The following RIMS2 variants were observed in gnomAD, a reference collection of about 807,000 sequenced individuals.
The protein encoded by RIMS2 is regulating synaptic membrane exocytosis 2.
RIMS2 carries 59 observed loss-of-function variants against 174.4 expected under a neutral mutation model. The observed-to-expected ratio is 0.34, with a 90% CI of 0.27 to 0.42. The LOEUF is 0.42. Among genes scored for constraint, RIMS2 ranks in the 10% least tolerant of loss-of-function variants. RIMS2 has a pLI of 1.00. For synonymous variants in RIMS2, 606 were observed against 572.5 expected (o/e 1.06, Z -0.84); for missense variants, 1,620 against 1,666.3 (o/e 0.97, Z 0.48).
chr8:103,601,523 T>A (rs779027590), intron 1 of RIMS2, among the ~76,000 whole-genome samples: 35 of 152,186 alleles, frequency 2.3e-4, no homozygotes, highest in Non-Finnish European at 4.1e-4. Flanking sequence ...ATGGAATATC[T>A]TTTTTCATCC....
chr8:103,915,419 G>A lies in RIMS2; in HGVS notation c.1813-76G>A, dbSNP rs138575376. 1.4e-3 allele frequency: 1,008 copies of A among 746,372 alleles called. 11 individuals are homozygous for A. In the East Asian group the frequency reaches 0.023, roughly 17 times the overall value. The allele number at this position is 746,372 out of a possible 1,614,324, so 46.2% of individuals were successfully genotyped here. A position where few individuals can be genotyped will look rare whatever the true frequency, so the allele number is the denominator to read the frequency against. ...TTTTAGGTGTTGCAAATTGTTCTAGGTATTCTTTTACCTGAATCTTCAACC... is the reference window on the plus strand; with the variant it reads ...TTTTAGGTGTTGCAAATTGTTCTAGATATTCTTTTACCTGAATCTTCAACC... On this transcript the variant is annotated intron_variant, in intron 6 of 23. Coordinates refer to ENST00000504942, the Ensembl canonical transcript of RIMS2.
chr8:103,956,598 A>G (rs571534051), intron 14 of RIMS2, among the ~76,000 whole-genome samples: 7 of 152,318 alleles, frequency 4.6e-5, no homozygotes, highest in African/African-American at 1.7e-4. Flanking sequence ...ACAAAAATTA[A>G]CTCAAGATGG....
chr8:103,941,285 CA>C (rs1173942767), intron 13 of RIMS2, among the ~76,000 whole-genome samples: 1 of 151,868 alleles, frequency 6.6e-6, no homozygotes, highest in Non-Finnish European at 1.5e-5. Context: ...AGTCCAAGAC[CA>C]GCCTGGGTAA....
chr8:103,652,992 A>G (rs1417336915), intron 1 of RIMS2, among the ~76,000 whole-genome samples: 1 of 152,200 alleles, frequency 6.6e-6, no homozygotes, highest in Non-Finnish European at 1.5e-5. Context: ...ACAATGCAAT[A>G]TATAACTAGA....
At chr8:104,162,736 T>A (rs926861613) in intron 19 of RIMS2, among the ~76,000 whole-genome samples, 3 of 152,188 alleles carry the variant, frequency 2.0e-5, no homozygotes, top group African/African-American at 7.2e-5. Flanking sequence ...AGGTTAGTAA[T>A]CAGTAAAGTC....
intron 11 of RIMS2, among the ~76,000 whole-genome samples, chr8:103,928,304 G>C (rs2079182984): frequency 6.6e-6 from 1 of 151,402 alleles, no homozygotes; most frequent in Non-Finnish European, 1.5e-5. Flanking sequence ...CATTTTCCAA[G>C]TTATAACTCC....
chr8:104,066,736 G>GAGGAATTTGA (rs1415546794), intron 19 of RIMS2, among the ~76,000 whole-genome samples: 2 of 152,028 alleles, frequency 1.3e-5, no homozygotes. Flanking sequence ...TTTCAAATTT[G>GAGGAATTTGA]ACTCAGAGTC....
intron 19 of RIMS2, among the ~76,000 whole-genome samples, chr8:104,088,466 T>G (rs563470524): frequency 6.6e-6 from 1 of 152,204 alleles, no homozygotes; most frequent in Admixed American, 6.6e-5. Flanking sequence ...TCCTATCTTT[T>G]GATTAACTCA....
At chr8:103,639,465 A>C (rs528312469) in intron 1 of RIMS2, among the ~76,000 whole-genome samples, 1 of 151,756 alleles carries the variant, frequency 6.6e-6, no homozygotes, top group African/African-American at 2.4e-5. Flanking sequence ...TCCCTCTTTC[A>C]TTGACCAGTT....
intron 1 of RIMS2, among the ~76,000 whole-genome samples, chr8:103,557,695 C>T (rs981882060): frequency 1.3e-5 from 2 of 152,038 alleles, no homozygotes; most frequent in African/African-American, 4.8e-5. Context: ...GGCTGAAATA[C>T]ATTTTTGTTT....
intron 1 of RIMS2, among the ~76,000 whole-genome samples, chr8:103,519,389 A>G (rs898837327): frequency 1.3e-5 from 2 of 152,116 alleles, no homozygotes; most frequent in Admixed American, 6.6e-5. Context: ...TTGCAGCAGG[A>G]ATTTATATAA....
chr8:103,817,566 C>T (rs1460664799), intron 3 of RIMS2, among the ~76,000 whole-genome samples: 2 of 152,100 alleles, frequency 1.3e-5, no homozygotes, highest in Admixed American at 6.5e-5. Flanking sequence ...GGATCACTTG[C>T]GGTCAGGAGT....
chr8:103,854,874 T>C (rs1031527430), intron 3 of RIMS2, among the ~76,000 whole-genome samples: 7 of 152,088 alleles, frequency 4.6e-5, no homozygotes, highest in Non-Finnish European at 8.8e-5. Flanking sequence ...TGATGCTGAT[T>C]TCATAGAATA....
At chr8:103,979,037 C>T (rs2093678411) in intron 16 of RIMS2, among the ~76,000 whole-genome samples, 1 of 152,024 alleles carries the variant, frequency 6.6e-6, no homozygotes, top group African/African-American at 2.4e-5. Context: ...GAATATTATT[C>T]AATAAACTTA....
intron 17 of RIMS2, among the ~76,000 whole-genome samples, chr8:104,008,498 T>C (rs1369661790): frequency 6.6e-6 from 1 of 151,600 alleles, no homozygotes; most frequent in East Asian, 1.9e-4. Context: ...TGTGTGTGTG[T>C]GTGTGTGTGT....
chr8:103,836,369 G>A (rs2098890653), intron 3 of RIMS2, among the ~76,000 whole-genome samples: 3 of 152,090 alleles, frequency 2.0e-5, no homozygotes, highest in African/African-American at 7.2e-5. Context: ...GGGCAATATC[G>A]TGAGATCCCC....
intron 16 of RIMS2, among the ~76,000 whole-genome samples, chr8:103,982,730 G>A (rs1323807785): frequency 1.3e-5 from 2 of 152,040 alleles, no homozygotes; most frequent in Non-Finnish European, 2.9e-5. Context: ...TCAAAAAACT[G>A]GGGATGCAAG....
chr8:103,795,775 T>C (rs2098545710), intron 3 of RIMS2, among the ~76,000 whole-genome samples: 1 of 152,214 alleles, frequency 6.6e-6, no homozygotes, highest in African/African-American at 2.4e-5. Flanking sequence ...CATGTATCGC[T>C]GCCTTTCATA....
intron 19 of RIMS2, among the ~76,000 whole-genome samples, chr8:104,041,715 T>C (rs1472306468): frequency 6.6e-6 from 1 of 151,662 alleles, no homozygotes; most frequent in Non-Finnish European, 1.5e-5. Flanking sequence ...AGTTTTTTGC[T>C]TTTTAAAATA....
Sources: allele counts gnomAD v4.1 joint callset (sites outside exome capture counted in the v4.1 genomes callset), GRCh38; gene constraint gnomAD v4.1.1; transcripts MANE v1.5; gene names NCBI Gene and HGNC (gene_info 2026-07-23, HGNC 2026-07-21).